RBFOX1: variants seen among roughly 807,000 people sequenced by gnomAD.
RBFOX1 encodes the protein RNA binding protein fox-1 homolog 1.
RBFOX1 carries 8 observed loss-of-function variants against 57.7 expected under a neutral mutation model. The ratio of observed to expected loss-of-function variants is 0.14; its 90% CI spans 0.08 to 0.25. The LOEUF is 0.25. Ranked by LOEUF, RBFOX1 falls within the 10% of genes least tolerant of loss-of-function variation. The probability of loss-of-function intolerance (pLI) is 1.00; values close to 1 mark genes in which losing one functional copy is unlikely to be tolerated. For synonymous variants in RBFOX1, 326 were observed against 222.4 expected (o/e 1.47, Z -4.15); for missense variants, 611 against 548.5 (o/e 1.11, Z -1.14).
intron 4 of RBFOX1, among the ~76,000 whole-genome samples, chr16:7,069,785 C>T (rs1757609598): frequency 6.6e-6 from 1 of 152,166 alleles, no homozygotes; most frequent in Non-Finnish European, 1.5e-5. Context: ...ATAGTGGGCA[C>T]TTGCTCGTTA....
intron 4 of RBFOX1, among the ~76,000 whole-genome samples, chr16:7,246,376 T>A (rs2094299796): frequency 6.6e-6 from 1 of 152,178 alleles, no homozygotes; most frequent in Non-Finnish European, 1.5e-5. Context: ...CCATGGAGAT[T>A]GTTCTGAAGT....
chr16:7,307,101 C>T (rs2096207527), intron 4 of RBFOX1, among the ~76,000 whole-genome samples: 1 of 152,154 alleles, frequency 6.6e-6, no homozygotes, highest in African/African-American at 2.4e-5. Flanking sequence ...AAGTCTTTGT[C>T]ATTGAGATCA....
intron 6 of RBFOX1, among the ~76,000 whole-genome samples, chr16:7,582,023 A>G (rs2093806188): frequency 2.2e-5 from 1 of 46,200 alleles, no homozygotes; most frequent in African/African-American, 1.0e-4. Flanking sequence ...GCACCCATCC[A>G]GCACCCCCCC....
intron 4 of RBFOX1, among the ~76,000 whole-genome samples, chr16:7,461,022 G>A (rs1358371703): frequency 2.0e-5 from 3 of 152,198 alleles, no homozygotes; most frequent in Admixed American, 1.3e-4. Flanking sequence ...AAGCCATGTA[G>A]TGAGTGAGGT....
rs141463926 is a variant in RBFOX1 at position 6,399,341 on chromosome 16, C to T, written c.-64+82284C>T. Among the ~76,000 whole-genome samples the T allele has an allele frequency of 2.2e-3, 338 of 152,290 alleles. 4 individuals carry two copies. Among genetic ancestry groups the T allele is most frequent in the African/African-American group, 8.0e-3 (331 of 41,562 alleles). ...TTGTCTTGGTAATTGACATTCAGCT[C>T]CTTGTTACTTATGCGGATTTCTTCC... On this transcript the variant is annotated intron_variant, in intron 2 of 15. Transcript: ENST00000550418.
intron 1 of RBFOX1, among the ~76,000 whole-genome samples, chr16:6,238,603 CA>C (rs1355491741): frequency 3.2e-4 from 49 of 152,160 alleles, no homozygotes. Context: ...AAATTCGAAT[CA>C]GTTGGGAATG....
At chr16:5,280,954 T>TTAC (rs144898519) in intron 1 of RBFOX1, among the ~76,000 whole-genome samples, 1 of 38 alleles carries the variant, frequency 0.026, no homozygotes, top group Admixed American at 0.25. Context: ...GCTATGTTAT[T>TTAC]TATTTTTTCT....
intron 3 of RBFOX1, among the ~76,000 whole-genome samples, chr16:6,986,922 C>G (rs935131062): frequency 6.6e-6 from 1 of 152,178 alleles, no homozygotes; most frequent in African/African-American, 2.4e-5. Flanking sequence ...TAATCCACCC[C>G]TTGCTCACCT....
At chr16:7,693,452 G>C in intron 14 of RBFOX1, 1 of 996,256 alleles carries the variant, frequency 1.0e-6, no homozygotes, top group East Asian at 2.5e-5. Flanking sequence ...ACATGCTGCA[G>C]TTGGTCACTC....
intron 2 of RBFOX1, among the ~76,000 whole-genome samples, chr16:6,520,250 A>G (rs948746144): frequency 1.3e-5 from 2 of 152,202 alleles, no homozygotes; most frequent in African/African-American, 4.8e-5. Context: ...ATTTAAAGCG[A>G]TGTTGAATTT....
chr16:5,646,195 T>TGTG (rs1567341658), intron 3 of RBFOX1, among the ~76,000 whole-genome samples: 1 of 150,712 alleles, frequency 6.6e-6, no homozygotes, highest in African/African-American at 2.4e-5. Context: ...TTTTTTTTTT[T>TGTG]TTTGTATTTT....
rs957331942 is a variant in RBFOX1, at chr16:5,756,216, A to T, written c.319-111087A>T. 2.5e-5 allele frequency among the ~76,000 whole-genome samples: 3 copies of T among 118,268 alleles called. No homozygotes were observed. The East Asian group carries it at 7.2e-4, about 28-fold the overall frequency. 77.6% of individuals were successfully genotyped at this position (118,268 alleles called of 152,430 possible). On this transcript the variant is annotated intron_variant, in intron 3 of 19. Coordinates refer to the RBFOX1 transcript ENST00000641259. ...TGTGAACCCCCTTCTTACATCTTCC[A>T]CATAAGCAAAAAAAAAAAAAAAAAA... is the stretch of plus-strand genomic sequence containing the variant.
chr16:6,755,345 C>T (rs891412159), intron 3 of RBFOX1, among the ~76,000 whole-genome samples: 2 of 152,098 alleles, frequency 1.3e-5, no homozygotes, highest in Non-Finnish European at 2.9e-5. Flanking sequence ...CCTATTTCTC[C>T]ACATCCTCTC....
intron 3 of RBFOX1, among the ~76,000 whole-genome samples, chr16:6,924,852 A>G (rs1186928777): frequency 1.5e-5 from 1 of 67,948 alleles, no homozygotes; most frequent in Non-Finnish European, 2.7e-5. Flanking sequence ...CCTACCCCAC[A>G]ACAGTCCCTG....
At chr16:5,788,923 C>G (rs1002199786) in intron 3 of RBFOX1, among the ~76,000 whole-genome samples, 1 of 152,184 alleles carries the variant, frequency 6.6e-6, no homozygotes, top group African/African-American at 2.4e-5. Context: ...TTTCCTGTGT[C>G]TCAGGAAGAT....
chr16:5,918,747 C>A (rs145506974), intron 4 of RBFOX1, among the ~76,000 whole-genome samples: 1 of 152,166 alleles, frequency 6.6e-6, no homozygotes, highest in Admixed American at 6.5e-5. Context: ...ATAAGACTTC[C>A]TGGTTGTCCT....
At chr16:6,062,354 G>T (rs1367305456) in intron 1 of RBFOX1, among the ~76,000 whole-genome samples, 1 of 151,848 alleles carries the variant, frequency 6.6e-6, no homozygotes, top group Non-Finnish European at 1.5e-5. Flanking sequence ...TAACTAGAAG[G>T]TAGGTCCCCC....
chr16:7,563,961 G>A lies in RBFOX1; in HGVS notation c.271-15816G>A, dbSNP rs1399341113. On this transcript the variant is annotated intron_variant, in intron 5 of 15. Transcript: ENST00000550418. ...TCAGTAAATATATTTTGAATGATTGGATAACTGAGCACCTGATTTCAAGCC... is the reference window on the plus strand; with the variant it reads ...TCAGTAAATATATTTTGAATGATTGAATAACTGAGCACCTGATTTCAAGCC... Among the ~76,000 whole-genome samples, 2 of 152,110 alleles carry A rather than the reference G, an allele frequency of 1.3e-5. 1 individual carries two copies. The highest frequency in any genetic ancestry group is 4.8e-5 in the African/African-American group (2 of 41,418).
At chr16:6,350,745 G>A (rs1018143806) in intron 2 of RBFOX1, among the ~76,000 whole-genome samples, 1 of 152,166 alleles carries the variant, frequency 6.6e-6, no homozygotes, top group Non-Finnish European at 1.5e-5. Flanking sequence ...ACAACACTAG[G>A]AGGTAGGTGG....
Sources: allele counts gnomAD v4.1 joint callset (sites outside exome capture counted in the v4.1 genomes callset), GRCh38; gene constraint gnomAD v4.1.1; transcripts MANE v1.5; gene names NCBI Gene and HGNC (gene_info 2026-07-23, HGNC 2026-07-21).